Variants in FBXO38 observed in about 807,000 individuals in gnomAD.
FBXO38 encodes F-box only protein 38.
A neutral mutation model predicts 131.9 loss-of-function variants in FBXO38; 53 were observed. The observed-to-expected ratio is 0.40, with a 90% CI of 0.32 to 0.51. The LOEUF is 0.51. FBXO38 is among the 20% of genes least tolerant of loss of function. The pLI is 0.53. For missense variants in FBXO38, 1,076 were observed against 1,475.6 expected (o/e 0.73, Z 4.44); for synonymous variants, 452 against 505.6 (o/e 0.89, Z 1.42).
intron 1 of FBXO38, among the ~76,000 whole-genome samples, chr5:148,391,084 T>C (rs955508995): frequency 1.3e-5 from 2 of 152,200 alleles, no homozygotes; most frequent in African/African-American, 4.8e-5. Context: ...TTGAGGCTTT[T>C]ACATGCTACA....
intron 1 of FBXO38, among the ~76,000 whole-genome samples, chr5:148,392,644 G>T (rs1401580662): frequency 1.3e-5 from 2 of 149,412 alleles, no homozygotes; most frequent in Admixed American, 1.3e-4. Context: ...AAATCCTTGG[G>T]AATGAGTACA....
intron 13 of FBXO38, 151 bp from the exon 14 acceptor site, chr5:148,425,371 T>C (rs1561537603): frequency 1.8e-6 from 1 of 568,250 alleles, no homozygotes; most frequent in Non-Finnish European, 3.1e-6. Flanking sequence ...CAGTATCTTA[T>C]CCAAGTGCAT....
At chr5:148,388,373 C>T (rs143533338) in intron 1 of FBXO38, among the ~76,000 whole-genome samples, 42 of 152,320 alleles carry the variant, frequency 2.8e-4, no homozygotes, top group Middle Eastern at 6.8e-3. Flanking sequence ...CATTCTCTAA[C>T]AAGATAATCA....
intron 17 of FBXO38, 144 bp downstream of exon 17, chr5:148,433,881 A>C: frequency 2.0e-6 from 1 of 502,602 alleles, no homozygotes. Flanking sequence ...CCTTTGTTCT[A>C]GTTCTCAAAT....
chr5:148,394,746 T>C lies in FBXO38; in HGVS notation c.-31T>C, dbSNP rs955717109. On this transcript the variant is annotated 5_prime_UTR_variant, in exon 2 of 22. Transcript: ENST00000340253. Reference sequence around the variant, plus strand: ...GAACTCAAGTAAACAAAAGGGAAGATTTTCTCGTTGATACTGGAGACTGCA... The same window carrying C: ...GAACTCAAGTAAACAAAAGGGAAGACTTTCTCGTTGATACTGGAGACTGCA... 1 of 1,481,942 alleles carries C rather than the reference T, an allele frequency of 6.7e-7. No individual in the cohort carries two copies. The allele number at this position is 1,481,942 out of a possible 1,614,324, so 91.8% of individuals were successfully genotyped here. A position where few individuals can be genotyped will look rare whatever the true frequency, so the allele number is the denominator to read the frequency against.
Position 148,415,935 on chromosome 5 carries a change from A to C in FBXO38, c.1272A>C (p.Ser424=). Reference sequence around the variant, plus strand: ...ATGTCATTTCTTTAACAGACCACTCAAGATGGACTCGATTGGTTGATATCA... The same window carrying C: ...ATGTCATTTCTTTAACAGACCACTCCAGATGGACTCGATTGGTTGATATCA... The part of the protein sequence containing the change: ...HNPYNWISDH[S]RWTRLVDINL... Residue 424 remains serine, a synonymous_variant, in exon 11 of 22, where the codon TCA becomes TCC. Transcript: ENST00000340253. The C allele has an allele frequency of 6.2e-7, 1 of 1,613,638 alleles. No individual in the cohort carries two copies. The highest frequency in any genetic ancestry group is 8.5e-7 in the Non-Finnish European group (1 of 1,179,664).
At chr5:148,424,831 C>T (rs1753627506) in intron 13 of FBXO38, among the ~76,000 whole-genome samples, 2 of 152,068 alleles carry the variant, frequency 1.3e-5, no homozygotes, top group African/African-American at 2.4e-5. Flanking sequence ...CTGTGTCAGG[C>T]ATTGTACAAT....
chr5:148,388,595 C>T (rs1758037589), intron 1 of FBXO38, among the ~76,000 whole-genome samples: 2 of 152,212 alleles, frequency 1.3e-5, no homozygotes, highest in Admixed American at 6.5e-5. Flanking sequence ...ATGGAGACAA[C>T]GTCTTTCCAT....
rs1017946215 is a variant in FBXO38 at position 148,401,842 on chromosome 5, T to C, written c.263-140T>C. Reference sequence around the variant, plus strand: ...TACTAAAGGAGTATATTTTCTGTTATGTTTATTCAGCTTTAGTGTTAGCTT... The same window carrying C: ...TACTAAAGGAGTATATTTTCTGTTACGTTTATTCAGCTTTAGTGTTAGCTT... On this transcript the variant is annotated intron_variant, in intron 3 of 21. Coordinates refer to ENST00000340253, the MANE Select transcript of FBXO38 (RefSeq NM_205836.3). 2.2e-5 allele frequency: 14 copies of C among 647,258 alleles called. No individual in the cohort carries two copies. In the East Asian group the frequency reaches 2.5e-4, roughly 12 times the overall value. The allele number at this position is 647,258 out of a possible 1,614,324, so 40.1% of individuals were successfully genotyped here. A position where few individuals can be genotyped will look rare whatever the true frequency, so the allele number is the denominator to read the frequency against.
chr5:148,409,031 TATC>T, intron 7 of FBXO38, 90 bp from the exon 8 acceptor site: 1 of 672,066 alleles, frequency 1.5e-6, no homozygotes, highest in Non-Finnish European at 2.6e-6. Flanking sequence ...AATCAGTAAT[TATC>T]ATCTCAGATA....
At chr5:148,426,197 T>A (rs568075028) in intron 14 of FBXO38, among the ~76,000 whole-genome samples, 1 of 152,280 alleles carries the variant, frequency 6.6e-6, no homozygotes, top group South Asian at 2.1e-4. Flanking sequence ...GAAACTGTAC[T>A]TCTCTCTTAA....
intron 1 of FBXO38, among the ~76,000 whole-genome samples, chr5:148,388,656 C>G (rs1312549134): frequency 8.5e-5 from 13 of 152,176 alleles, no homozygotes; most frequent in Non-Finnish European, 1.5e-4. Flanking sequence ...CTAAAACTTC[C>G]TCACCTCTCT....
intron 8 of FBXO38, 183 bp from the exon 9 acceptor site, chr5:148,410,452 C>A: frequency 1.5e-6 from 1 of 656,128 alleles, no homozygotes. Context: ...TGCCTTCAGC[C>A]ATGTTCGTGA....
At chr5:148,410,982 A>G in intron 9 of FBXO38, 1 of 474,480 alleles carries the variant, frequency 2.1e-6, no homozygotes, top group East Asian at 3.8e-5. Context: ...AAATATAGTT[A>G]CTAACAATAC....
At chr5:148,419,320 A>G (rs1206856672) in intron 12 of FBXO38, among the ~76,000 whole-genome samples, 2 of 152,118 alleles carry the variant, frequency 1.3e-5, no homozygotes, top group African/African-American at 2.4e-5. Context: ...GTTTAGTTGT[A>G]TCTGTTATTA....
chr5:148,400,108 A>C lies in FBXO38; in HGVS notation c.262+976A>C, dbSNP rs189449166. 3.3e-3 allele frequency among the ~76,000 whole-genome samples: 504 copies of C among 151,950 alleles called. 6 individuals are homozygous for C. Among genetic ancestry groups the C allele is most frequent in the African/African-American group, 0.012 (484 of 41,514 alleles). On this transcript the variant is annotated intron_variant, in intron 3 of 21. Coordinates refer to ENST00000340253, the MANE Select transcript of FBXO38 (RefSeq NM_205836.3). ...TATCAGCTGGCCATAGTAGTTATCA[A>C]TATATACTTTCTTATAAAGAACATT... is the stretch of plus-strand genomic sequence containing the variant.
In FBXO38 at chr5:148,407,108, A is replaced by G. The variant is rs144595427; in HGVS notation, c.868+714A>G. Among the ~76,000 whole-genome samples, 452 of 152,360 alleles carry G rather than the reference A, an allele frequency of 3.0e-3. 4 individuals are homozygous for G. The highest frequency in any genetic ancestry group is 9.9e-3 in the African/African-American group (410 of 41,590). The stretch of plus-strand genomic sequence containing the variant: ...TGTTGAAATATAATGAAGAGTAAAC[A>G]CTACATTTCTAGACATTTTGTCAGT... On this transcript the variant is annotated intron_variant, in intron 7 of 21. Coordinates refer to ENST00000340253, the MANE Select transcript of FBXO38 (RefSeq NM_205836.3).
intron 17 of FBXO38, among the ~76,000 whole-genome samples, chr5:148,436,402 T>C (rs1006154807): frequency 1.3e-5 from 2 of 152,178 alleles, no homozygotes; most frequent in Non-Finnish European, 2.9e-5. Context: ...TTCAAAACTT[T>C]CTGAGCACTA....
At chr5:148,392,581 T>G (rs1369683152) in intron 1 of FBXO38, among the ~76,000 whole-genome samples, 33 of 141,948 alleles carry the variant, frequency 2.3e-4, no homozygotes, top group African/African-American at 7.0e-4. Context: ...TTGCTTTTCT[T>G]TGTGTGTGTG....
Sources: allele counts gnomAD v4.1 joint callset (sites outside exome capture counted in the v4.1 genomes callset), GRCh38; gene constraint gnomAD v4.1.1; transcripts MANE v1.5; gene names NCBI Gene and HGNC (gene_info 2026-07-23, HGNC 2026-07-21).